Variants in RANBP2 observed in about 807,000 individuals in gnomAD.
The protein encoded by RANBP2 is E3 SUMO-protein ligase RanBP2.
RANBP2 carries 57 observed loss-of-function variants against 303.6 expected under a neutral mutation model. The ratio of observed to expected loss-of-function variants is 0.19; its 90% CI spans 0.15 to 0.23. RANBP2 has a LOEUF of 0.23. Among genes scored for constraint, RANBP2 ranks in the 10% least tolerant of loss-of-function variants. The probability of loss-of-function intolerance (pLI) is 1.00; values close to 1 mark genes in which losing one functional copy is unlikely to be tolerated. For synonymous variants in RANBP2, 1,167 were observed against 1,301.5 expected (o/e 0.90, Z 2.23); for missense variants, 3,138 against 3,780.8 (o/e 0.83, Z 4.46).
the RANBP2 span, among the ~76,000 whole-genome samples, chr2:109,195,832 C>T: frequency 1.5e-4 from 23 of 152,268 alleles, no homozygotes; most frequent in East Asian, 5.8e-4. Context: ...TGATTTGTGT[C>T]GCCTGATCCC....
At chr2:109,307,010 C>T in the RANBP2 span, among the ~76,000 whole-genome samples, 1 of 152,192 alleles carries the variant, frequency 6.6e-6, no homozygotes, top group African/African-American at 2.4e-5. Flanking sequence ...ATTGAGGGCA[C>T]ACATTATTAT....
intron 20 of RANBP2, among the ~76,000 whole-genome samples, chr2:108,771,460 T>G (rs1218821807): frequency 6.6e-6 from 1 of 152,140 alleles, no homozygotes; most frequent in Non-Finnish European, 1.5e-5. Flanking sequence ...CACAAATTTT[T>G]TTTTGTTTTC....
chr2:109,227,437 A>G, the RANBP2 span, among the ~76,000 whole-genome samples: 3 of 152,176 alleles, frequency 2.0e-5, no homozygotes, highest in African/African-American at 7.2e-5. Context: ...TCTCACAGTC[A>G]AGTAAAAACC....
intron 18 of RANBP2, among the ~76,000 whole-genome samples, chr2:108,760,142 GATTAAA>G (rs1676625325): frequency 6.6e-6 from 1 of 152,060 alleles, no homozygotes; most frequent in South Asian, 2.1e-4. Flanking sequence ...AAAATAAGAT[GATTAAA>G]ATTAAAGATT....
the RANBP2 span, among the ~76,000 whole-genome samples, chr2:109,250,315 C>T: frequency 2.0e-5 from 3 of 151,960 alleles, no homozygotes; most frequent in Admixed American, 6.6e-5. Flanking sequence ...ACAGAGCCAA[C>T]GTGGGGGTTT....
intron 9 of RANBP2, among the ~76,000 whole-genome samples, chr2:108,750,420 T>G (rs1175287918): frequency 6.6e-6 from 1 of 152,226 alleles, no homozygotes. Flanking sequence ...CAACAAAAAG[T>G]GTCTTCATTG....
At chr2:108,827,262 G>T in the RANBP2 span, among the ~76,000 whole-genome samples, 1 of 152,090 alleles carries the variant, frequency 6.6e-6, no homozygotes, top group Non-Finnish European at 1.5e-5. Context: ...TTTCAGTAAA[G>T]TATCCAGTTG....
the RANBP2 span, among the ~76,000 whole-genome samples, chr2:109,082,992 AT>A: frequency 1.3e-5 from 2 of 151,526 alleles, no homozygotes; most frequent in Admixed American, 6.6e-5. Flanking sequence ...TACCTGGCTA[AT>A]TTTTTTGTAT....
chr2:108,786,272 C>CT (rs1359048044), downstream of RANBP2, among the ~76,000 whole-genome samples: 2 of 104,392 alleles, frequency 1.9e-5, no homozygotes, highest in East Asian at 5.0e-4. Flanking sequence ...TTTTTTTTAA[C>CT]TTTAAGAGAT....
the RANBP2 span, among the ~76,000 whole-genome samples, chr2:109,199,337 A>T: frequency 0.25 from 1 of 4 alleles, no homozygotes; most frequent in Non-Finnish European, 0.5. Context: ...GTAAAATGGA[A>T]TGGAATGGAA....
the RANBP2 span, among the ~76,000 whole-genome samples, chr2:108,794,056 AAAG>A: frequency 7.2e-5 from 11 of 152,226 alleles, no homozygotes; most frequent in African/African-American, 2.2e-4. Flanking sequence ...AACCTGTTTA[AAAG>A]AAGAGGTTAT....
At chr2:109,483,092 T>C in the RANBP2 span, among the ~76,000 whole-genome samples, 1 of 152,196 alleles carries the variant, frequency 6.6e-6, no homozygotes, top group Non-Finnish European at 1.5e-5. Context: ...TATATTGTTA[T>C]AAACCCTCCT....
the RANBP2 span, among the ~76,000 whole-genome samples, chr2:109,522,784 G>A: frequency 1.1e-4 from 16 of 152,270 alleles, no homozygotes; most frequent in Non-Finnish European, 1.9e-4. Flanking sequence ...AGGAACCATC[G>A]CTATCTTCAT....
At chr2:109,635,039 C>T in the RANBP2 span, among the ~76,000 whole-genome samples, 3 of 151,514 alleles carry the variant, frequency 2.0e-5, no homozygotes, top group East Asian at 5.8e-4. Context: ...CTAACATTTT[C>T]TGTAAATTGT....
the RANBP2 span, among the ~76,000 whole-genome samples, chr2:109,465,183 A>G: frequency 6.6e-6 from 1 of 152,224 alleles, no homozygotes; most frequent in Non-Finnish European, 1.5e-5. Context: ...ATAATATTCC[A>G]TTGTCCAGAT....
chr2:109,099,097 C>A, the RANBP2 span, among the ~76,000 whole-genome samples: 37 of 152,264 alleles, frequency 2.4e-4, no homozygotes, highest in South Asian at 6.2e-3. Context: ...ACGAGTGGAA[C>A]AGGAATGTAT....
At chr2:108,848,876 T>G in the RANBP2 span, among the ~76,000 whole-genome samples, 1 of 152,196 alleles carries the variant, frequency 6.6e-6, no homozygotes, top group Non-Finnish European at 1.5e-5. Context: ...TGCTTCCCTG[T>G]GCAAGTCATT....
chr2:108,778,859 G>A (rs1333945817), intron 25 of RANBP2, among the ~76,000 whole-genome samples: 4 of 151,782 alleles, frequency 2.6e-5, no homozygotes, highest in Non-Finnish European at 5.9e-5. Flanking sequence ...TTCCCAAGTA[G>A]CTGGGACCAC....
the RANBP2 span, chr2:109,605,824 C>T: frequency 6.6e-6 from 1 of 152,158 alleles, no homozygotes; most frequent in Non-Finnish European, 1.5e-5. Flanking sequence ...CTATCTTCTA[C>T]CAAAACAGAG....
Sources: gnomAD v4.1 joint callset for allele counts (sites outside exome capture counted in the v4.1 genomes callset) on GRCh38, gnomAD v4.1.1 for gene constraint, MANE v1.5 for transcripts, NCBI Gene and HGNC (gene_info 2026-07-23, HGNC 2026-07-21) for gene names.